LRBA: variants seen among roughly 807,000 people sequenced by gnomAD.
LRBA encodes the protein lipopolysaccharide-responsive and beige-like anchor protein.
A neutral mutation model predicts 330.0 loss-of-function variants in LRBA; 176 were observed. The observed-to-expected ratio is 0.53, with a 90% CI of 0.47 to 0.60. LRBA has a LOEUF of 0.60. LRBA is among the 20% of genes least tolerant of loss of function. The pLI is 0.00. For synonymous variants in LRBA, 1,230 were observed against 1,193.0 expected (o/e 1.03, Z -0.64); for missense variants, 3,259 against 3,444.8 (o/e 0.95, Z 1.35).
intron 47 of LRBA, among the ~76,000 whole-genome samples, chr4:150,409,312 C>G (rs922638882): frequency 6.6e-6 from 1 of 152,004 alleles, no homozygotes; most frequent in Non-Finnish European, 1.5e-5. Context: ...ACCTGTGAGA[C>G]AATAAATTTC....
chr4:150,607,490 C>G (rs1215328795), intron 37 of LRBA, among the ~76,000 whole-genome samples: 1 of 151,172 alleles, frequency 6.6e-6, no homozygotes, highest in Non-Finnish European at 1.5e-5. Context: ...GTTAAACAGG[C>G]CTGACTGGGA....
intron 48 of LRBA, among the ~76,000 whole-genome samples, chr4:150,349,169 G>C (rs995453998): frequency 6.6e-6 from 1 of 152,138 alleles, no homozygotes; most frequent in Non-Finnish European, 1.5e-5. Context: ...CCTTCCGCAT[G>C]ATCAGATCTT....
chr4:150,724,634 T>G (rs1156628364), intron 36 of LRBA, among the ~76,000 whole-genome samples: 1 of 152,038 alleles, frequency 6.6e-6, no homozygotes, highest in Admixed American at 6.6e-5. Flanking sequence ...ACAACTAAGA[T>G]AGTTAATTCA....
intron 33 of LRBA, among the ~76,000 whole-genome samples, chr4:150,804,387 A>T (rs1423124905): frequency 6.6e-6 from 1 of 152,176 alleles, no homozygotes; most frequent in Non-Finnish European, 1.5e-5. Context: ...CTAAAGCTTC[A>T]TATGTACCTA....
chr4:150,409,184 A>C (rs1259022246), intron 47 of LRBA, among the ~76,000 whole-genome samples: 1 of 152,032 alleles, frequency 6.6e-6, no homozygotes, highest in Non-Finnish European at 1.5e-5. Context: ...ATGTGAAGAG[A>C]CACAAGGAGA....
At chr4:150,741,291 T>C (rs931162794) in intron 35 of LRBA, among the ~76,000 whole-genome samples, 1 of 152,166 alleles carries the variant, frequency 6.6e-6, no homozygotes, top group African/African-American at 2.4e-5. Flanking sequence ...CTATCTTAAA[T>C]ATATTAAAAA....
intron 2 of LRBA, among the ~76,000 whole-genome samples, chr4:151,002,321 C>G (rs1333617526): frequency 6.6e-6 from 1 of 150,900 alleles, no homozygotes; most frequent in Non-Finnish European, 1.5e-5. Flanking sequence ...AATCCCAGCA[C>G]TTTGGAAGGC....
intron 47 of LRBA, among the ~76,000 whole-genome samples, chr4:150,371,181 A>ATTT (rs1274384749): frequency 7.3e-5 from 10 of 136,752 alleles, no homozygotes; most frequent in African/African-American, 3.2e-4. Flanking sequence ...CAAGCTACTA[A>ATTT]ATTTTTTTTT....
intron 37 of LRBA, among the ~76,000 whole-genome samples, chr4:150,648,171 A>AAAAAAAAAAAAAAAAC (rs1351965231): frequency 6.9e-6 from 1 of 144,690 alleles, no homozygotes; most frequent in African/African-American, 2.5e-5. Flanking sequence ...AAAAAAAAAA[A>AAAAAAAAAAAAAAAAC]AAAAAACTAG....
chr4:150,706,469 A>G (rs1785630083), intron 36 of LRBA, among the ~76,000 whole-genome samples: 1 of 151,784 alleles, frequency 6.6e-6, no homozygotes, highest in African/African-American at 2.4e-5. Context: ...AAATATTTAA[A>G]TTTAAAGCAA....
At chr4:150,851,051 T>C (rs78072611) in intron 23 of LRBA, 149 bp from the exon 24 acceptor site, 1 of 558,846 alleles carries the variant, frequency 1.8e-6, no homozygotes, top group Admixed American at 3.4e-5. Flanking sequence ...AAATTATCAA[T>C]GAGTAATAAC....
At chr4:150,988,844 T>C (rs1225726145) in intron 2 of LRBA, among the ~76,000 whole-genome samples, 1 of 152,056 alleles carries the variant, frequency 6.6e-6, no homozygotes. Flanking sequence ...CCCAAAGTGC[T>C]GGGATTACAG....
At chr4:150,698,989 A>G (rs1381010471) in intron 36 of LRBA, among the ~76,000 whole-genome samples, 5 of 152,220 alleles carry the variant, frequency 3.3e-5, no homozygotes, top group Non-Finnish European at 7.3e-5. Flanking sequence ...TGCATAGTCC[A>G]GGTCTATAGA....
intron 35 of LRBA, among the ~76,000 whole-genome samples, chr4:150,743,076 T>C (rs1302798753): frequency 1.3e-5 from 2 of 152,224 alleles, no homozygotes; most frequent in East Asian, 3.9e-4. Flanking sequence ...CAAGTGATTA[T>C]CATGTCTCAG....
At chr4:150,489,140 A>ATATAATTATAAGAATATATAATG (rs1758344607) in intron 41 of LRBA, among the ~76,000 whole-genome samples, 1 of 56,796 alleles carries the variant, frequency 1.8e-5, no homozygotes, top group African/African-American at 6.3e-5. Context: ...AATATATAAT[A>ATATAATTATAAGAATATATAATG]TATAATATAT....
At chr4:150,573,401 A>G (rs531413257) in intron 40 of LRBA, among the ~76,000 whole-genome samples, 20 of 152,294 alleles carry the variant, frequency 1.3e-4, no homozygotes, top group Non-Finnish European at 2.1e-4. Flanking sequence ...CAGAGTGCCC[A>G]TCAACAACTC....
chr4:150,791,743 G>A (rs1335357578), intron 34 of LRBA, among the ~76,000 whole-genome samples: 1 of 151,978 alleles, frequency 6.6e-6, no homozygotes, highest in Non-Finnish European at 1.5e-5. Flanking sequence ...AGTTAAGAAG[G>A]CTTGGCCGGG....
intron 36 of LRBA, among the ~76,000 whole-genome samples, chr4:150,685,401 TATATATATATATA>T (rs1561513567): frequency 1.4e-4 from 2 of 14,742 alleles, no homozygotes; most frequent in East Asian, 2.0e-3. Context: ...TATATATATA[TATATATATATATA>T]TATATATTTT....
intron 2 of LRBA, among the ~76,000 whole-genome samples, chr4:150,950,589 T>C (rs1305975877): frequency 6.6e-6 from 1 of 150,660 alleles, no homozygotes; most frequent in African/African-American, 2.4e-5. Flanking sequence ...AAAAAAAATG[T>C]ACTTTTAGAT....
Sources: gnomAD v4.1 joint callset for allele counts (sites outside exome capture counted in the v4.1 genomes callset) on GRCh38, gnomAD v4.1.1 for gene constraint, MANE v1.5 for transcripts, NCBI Gene and HGNC (gene_info 2026-07-23, HGNC 2026-07-21) for gene names.